GSK3B: variants seen among roughly 807,000 people sequenced by gnomAD.
GSK3B encodes the protein glycogen synthase kinase-3 beta.
A neutral mutation model predicts 56.4 loss-of-function variants in GSK3B; 15 were observed. The ratio of observed to expected loss-of-function variants is 0.27; its 90% CI spans 0.18 to 0.41. The LOEUF (loss-of-function observed/expected upper bound fraction) is 0.41. Among genes scored for constraint, GSK3B ranks in the 10% least tolerant of loss-of-function variants. The pLI, the probability that GSK3B is intolerant of heterozygous loss-of-function variation, is 1.00. For synonymous variants in GSK3B, 181 were observed against 188.9 expected (o/e 0.96, Z 0.34); for missense variants, 300 against 513.4 (o/e 0.58, Z 4.02).
At chr3:119,912,021 GCTAA>G (rs1453606873) in intron 6 of GSK3B, among the ~76,000 whole-genome samples, 2 of 152,030 alleles carry the variant, frequency 1.3e-5, no homozygotes, top group African/African-American at 2.4e-5. Context: ...TCACAACTTG[GCTAA>G]CTGTGTGGCA....
chr3:119,828,758 G>A (rs888330363), intron 10 of GSK3B, among the ~76,000 whole-genome samples: 6 of 152,156 alleles, frequency 3.9e-5, no homozygotes, highest in Non-Finnish European at 4.4e-5. Flanking sequence ...CTAATTTCCC[G>A]ATAAGCTGCC....
At chr3:119,842,911 GA>G (rs1406229466) in intron 10 of GSK3B, among the ~76,000 whole-genome samples, 1 of 151,846 alleles carries the variant, frequency 6.6e-6, no homozygotes, top group African/African-American at 2.4e-5. Context: ...ATATCTTTTT[GA>G]AAAACAGAAT....
chr3:119,875,539 ACACACACAG>A (rs2056301855), intron 8 of GSK3B, among the ~76,000 whole-genome samples: 1 of 113,874 alleles, frequency 8.8e-6, no homozygotes, highest in Non-Finnish European at 2.1e-5. Context: ...ACACACACAC[ACACACACAG>A]AAGTTTAATC....
rs554432258 is a variant in GSK3B at position 119,878,004 on chromosome 3, T to C, written c.814-1496A>G. On this transcript the variant is annotated intron_variant, in intron 7 of 10. Transcript: ENST00000264235. ...AGTAGAAGAATGTAATGGTAAGTAC[T>C]AGATTTGTGGTGGCAACCAGTGAAT... 7.2e-5 allele frequency among the ~76,000 whole-genome samples: 11 copies of C among 152,302 alleles called. No homozygotes were observed. In the East Asian group the frequency reaches 2.1e-3, roughly 29 times the overall value.
At chr3:119,936,874 T>C (rs2057000682) in intron 3 of GSK3B, among the ~76,000 whole-genome samples, 1 of 151,652 alleles carries the variant, frequency 6.6e-6, no homozygotes, top group Non-Finnish European at 1.5e-5. Context: ...TGAACAACAC[T>C]AAAAACCAAC....
chr3:120,013,964 G>T (rs764525272), intron 1 of GSK3B, among the ~76,000 whole-genome samples: 1 of 151,096 alleles, frequency 6.6e-6, no homozygotes, highest in Non-Finnish European at 1.5e-5. Flanking sequence ...GAGGTCAGGA[G>T]TTCGAGACCA....
intron 1 of GSK3B, among the ~76,000 whole-genome samples, chr3:120,004,876 G>A (rs1050091194): frequency 1.3e-5 from 2 of 152,100 alleles, no homozygotes; most frequent in Admixed American, 1.3e-4. Context: ...CTCCTCCAAA[G>A]AAACACAACT....
chr3:119,854,769 C>T (rs982790637), intron 9 of GSK3B, among the ~76,000 whole-genome samples: 2 of 152,076 alleles, frequency 1.3e-5, no homozygotes, highest in Non-Finnish European at 2.9e-5. Flanking sequence ...GGTGATACCC[C>T]CTTTATCATT....
intron 7 of GSK3B, among the ~76,000 whole-genome samples, chr3:119,882,047 T>C (rs113421778): frequency 0.026 from 3,932 of 152,252 alleles, 172 homozygotes; most frequent in African/African-American, 0.088. Flanking sequence ...TATTAAATTA[T>C]GCAGTCTGGG....
At chr3:119,853,685 T>TGTGAATG (rs1280828423) in intron 9 of GSK3B, among the ~76,000 whole-genome samples, 2 of 152,224 alleles carry the variant, frequency 1.3e-5, no homozygotes, top group Non-Finnish European at 2.9e-5. Flanking sequence ...TTGAAGCAAT[T>TGTGAATG]GTGAATGGGA....
At chr3:120,008,999 C>T (rs892150831) in intron 1 of GSK3B, among the ~76,000 whole-genome samples, 3 of 152,090 alleles carry the variant, frequency 2.0e-5, no homozygotes, top group East Asian at 1.9e-4. Flanking sequence ...AAAAAGCAAA[C>T]GACCCCATCA....
At chr3:119,904,127 T>G (rs1199678369) in intron 7 of GSK3B, among the ~76,000 whole-genome samples, 1 of 151,988 alleles carries the variant, frequency 6.6e-6, no homozygotes, top group Non-Finnish European at 1.5e-5. Flanking sequence ...TCTAACTTCA[T>G]CAATAAAAAA....
At chr3:120,019,671 A>C (rs1012948336) in intron 1 of GSK3B, among the ~76,000 whole-genome samples, 1 of 152,206 alleles carries the variant, frequency 6.6e-6, no homozygotes, top group Non-Finnish European at 1.5e-5. Context: ...GTATACCAAT[A>C]TCAAAACAAA....
rs927298643 is a variant in GSK3B, at chr3:119,840,315, C to G, written c.1195+2940G>C. On this transcript the variant is annotated intron_variant, in intron 10 of 10. Transcript: ENST00000264235. ...TCTCGGCTCATTGCAACCTCCGCCT[C>G]CCAGGTTCAAGCAATTCTCTTGCCT... Among the ~76,000 whole-genome samples, 12 of 152,010 alleles carry G rather than the reference C, an allele frequency of 7.9e-5. No individual in the cohort carries two copies. The East Asian group carries it at 2.3e-3, about 29-fold the overall frequency.
intron 1 of GSK3B, among the ~76,000 whole-genome samples, chr3:120,005,041 C>T (rs537516299): frequency 2.1e-4 from 32 of 152,034 alleles, no homozygotes; most frequent in Non-Finnish European, 3.7e-4. Context: ...AAAGGTTAGA[C>T]GAATGGCTAA....
At chr3:119,837,039 T>C (rs532395268) in intron 10 of GSK3B, among the ~76,000 whole-genome samples, 1 of 152,344 alleles carries the variant, frequency 6.6e-6, no homozygotes, top group South Asian at 2.1e-4. Context: ...TAGCTATCAT[T>C]AACATTTGAA....
rs534863274 is a variant in GSK3B at position 119,888,557 on chromosome 3, C to G, written c.814-12049G>C. Among the ~76,000 whole-genome samples the G allele has an allele frequency of 3.9e-5, 6 of 152,184 alleles. No homozygotes were observed. The East Asian group carries it at 1.2e-3, about 29-fold the overall frequency. ...CACCTCAGGCCCACTATTGTGTTAA[C>G]TGTACAAATTGACTGTAAAGCACGT... is the stretch of plus-strand genomic sequence containing the variant. On this transcript the variant is annotated intron_variant, in intron 7 of 10. Coordinates refer to ENST00000264235, the MANE Select transcript of GSK3B (RefSeq NM_001146156.2).
intron 2 of GSK3B, among the ~76,000 whole-genome samples, chr3:119,983,883 C>T (rs777556962): frequency 1.1e-4 from 16 of 152,184 alleles, no homozygotes; most frequent in Non-Finnish European, 5.9e-5. Context: ...AACTCTCCAC[C>T]CAAAATCAAC....
chr3:119,837,875 TTATATTTTATATATAAATA>T (rs1304800586), intron 10 of GSK3B, among the ~76,000 whole-genome samples: 11 of 146,202 alleles, frequency 7.5e-5, no homozygotes, highest in African/African-American at 1.3e-4. Flanking sequence ...TAATATATAT[TTATATTTTATATATAAATA>T]TATATTTTAT....
Sources: allele counts gnomAD v4.1 joint callset (sites outside exome capture counted in the v4.1 genomes callset), GRCh38; gene constraint gnomAD v4.1.1; transcripts MANE v1.5; gene names NCBI Gene and HGNC (gene_info 2026-07-23, HGNC 2026-07-21).